Variants in ANAPC2 observed in about 807,000 individuals in gnomAD.
ANAPC2 encodes anaphase promoting complex subunit 2.
ANAPC2 carries 29 observed loss-of-function variants against 84.3 expected under a neutral mutation model. The observed-to-expected ratio is 0.34, with a 90% CI of 0.26 to 0.47. ANAPC2 has a LOEUF of 0.47. Among genes scored for constraint, ANAPC2 ranks in the 20% least tolerant of loss-of-function variants. The probability of loss-of-function intolerance (pLI) is 1.00; values close to 1 mark genes in which losing one functional copy is unlikely to be tolerated. For synonymous variants in ANAPC2, 571 were observed against 479.4 expected, an observed-to-expected ratio of 1.19 and a Z score of -2.50; for missense variants, 857 against 1,131.7, an observed-to-expected ratio of 0.76 and a Z score of 3.48.
At position 137,175,273 on chromosome 9, in the gene ANAPC2, C is replaced by T. The variant is rs1234257731; in HGVS notation, c.2220G>A (p.Met740Ile). The T allele has an allele frequency of 1.2e-6, 2 of 1,612,644 alleles. No homozygotes were observed. Among genetic ancestry groups the T allele is most frequent in the East Asian group, 2.2e-5 (1 of 44,876 alleles). The change falls in exon 12 of 13, where the codon ATG (methionine) becomes ATA (isoleucine). Residue 740 changes from methionine to isoleucine, a missense_variant. By Grantham distance (10) the Met-to-Ile change is conservative. Around this residue, in one of 3 missense-constraint regions of ANAPC2, gnomAD observed 425 missense variants for 595.5 expected, o/e 0.71. Transcript: ENST00000323927. ...IDSDDESDSGMASQADQKEEE... is the reference protein window; with the variant it reads ...IDSDDESDSGIASQADQKEEE... ...CCTCCTTCTGGTCGGCCTGGGAGGCCATGCCGGAGTCGCTCTCGTCGTCAC... is the reference window on the plus strand; with the variant it reads ...CCTCCTTCTGGTCGGCCTGGGAGGCTATGCCGGAGTCGCTCTCGTCGTCAC...
intron 6 of ANAPC2, among the ~76,000 whole-genome samples, chr9:137,182,381 G>A (rs903808077): frequency 7.2e-5 from 11 of 152,016 alleles, no homozygotes; most frequent in Admixed American, 2.0e-4. Context: ...GCTTGGTGGC[G>A]GCCTGTAGTC....
At chr9:137,187,396 G>C in intron 2 of ANAPC2, 85 bp downstream of exon 2, 2 of 1,510,370 alleles carry the variant, frequency 1.3e-6, no homozygotes, top group Non-Finnish European at 1.8e-6. Context: ...CGGCTCACCA[G>C]CTTTCTGCTG....
At chr9:137,182,851 C>G (rs1482151495) in intron 6 of ANAPC2, among the ~76,000 whole-genome samples, 1 of 152,172 alleles carries the variant, frequency 6.6e-6, no homozygotes, top group African/African-American at 2.4e-5. Flanking sequence ...GAGCTTCTCT[C>G]TGTGCTGGAG....
At chr9:137,183,439 T>C in intron 5 of ANAPC2, 197 bp from the exon 6 acceptor site, 1 of 751,482 alleles carries the variant, frequency 1.3e-6, no homozygotes, top group Non-Finnish European at 2.1e-6. Flanking sequence ...CTGAGAGAAC[T>C]AAGTCTCATC....
intron 10 of ANAPC2, among the ~76,000 whole-genome samples, chr9:137,179,587 G>C (rs1834296819): frequency 6.6e-6 from 1 of 152,218 alleles, no homozygotes; most frequent in African/African-American, 2.4e-5. Context: ...CTCCAGGCCA[G>C]GGCTCACTCC....
At chr9:137,182,979 G>A (rs1834375937) in intron 6 of ANAPC2, 146 bp downstream of exon 6, 3 of 638,616 alleles carry the variant, frequency 4.7e-6, no homozygotes, top group East Asian at 5.4e-5. Flanking sequence ...AAAGAGCCTC[G>A]GGCCTGATCC....
Position 137,187,632 on chromosome 9 carries a change from G to A in ANAPC2, c.589C>T (p.Pro197Ser), listed in dbSNP as rs1271237669. Residue 197 changes from proline (P) to serine (S), a missense_variant, in exon 2 of 13, where the codon CCG becomes TCG. Pro to Ser is a moderately conservative substitution (Grantham distance 74, BLOSUM62 -1). Coordinates refer to ENST00000323927, the MANE Select transcript of ANAPC2 (RefSeq NM_013366.4). ...CTGTCCAGCTCCCCTTCCAGTTCCG[G>A]GTCTGTGCCCCCTTCCCCCTTCCTC... Reference protein sequence around the residue: ...SKRKGEGGTDPELEGELDSRY... With the variant: ...SKRKGEGGTDSELEGELDSRY... 5 of 1,613,938 alleles carry A rather than the reference G, an allele frequency of 3.1e-6. No individual in the cohort carries two copies. Among genetic ancestry groups the A allele is most frequent in the Non-Finnish European group, 4.2e-6 (5 of 1,180,042 alleles).
At chr9:137,187,328 G>A (rs1834496304) in intron 2 of ANAPC2, 153 bp downstream of exon 2, 7 of 962,856 alleles carry the variant, frequency 7.3e-6, no homozygotes, top group Admixed American at 2.9e-5. Context: ...CTGTGTCCAG[G>A]ACACGCTGCA....
chr9:137,181,730 G>A lies in ANAPC2; in HGVS notation c.1419C>T (p.Asp473=). ...SLETGQDSED[D]SGEPEDWVPD... is the part of the protein sequence containing the mutation. ...GGACCCAGTCCTCTGGCTCGCCTGA[G>A]TCATCCTCACTGTCCTGGCCTGTCT... Residue 473 remains aspartate (D), a synonymous_variant, in exon 7 of 13, where the codon GAC becomes GAT. Coordinates refer to ENST00000323927, the MANE Select transcript of ANAPC2 (RefSeq NM_013366.4). The A allele has an allele frequency of 6.2e-7, 1 of 1,612,312 alleles. No individual in the cohort carries two copies. The highest frequency in any genetic ancestry group is 8.5e-7 in the Non-Finnish European group (1 of 1,179,800).
intron 4 of ANAPC2, 120 bp from the exon 5 acceptor site, chr9:137,183,911 G>A: frequency 1.5e-6 from 2 of 1,357,660 alleles, no homozygotes; most frequent in East Asian, 4.8e-5. Context: ...ACGATGATGA[G>A]ACCACCTGCT....
chr9:137,184,794 A>T (rs548493041), intron 4 of ANAPC2, 119 bp downstream of exon 4: 7 of 1,317,398 alleles, frequency 5.3e-6, no homozygotes, highest in Non-Finnish European at 7.3e-6. Flanking sequence ...AGACGCAGAC[A>T]CAGAGCAGAC....
rs1230841319 is a variant in ANAPC2 at position 137,188,512 on chromosome 9, C to T, written c.21G>A (p.Val7=). MAAAVV[V]AEGDSDSRPG... ...GCCGGGAGTCGCTGTCCCCCTCCGC[C>T]ACCACAACTGCCGCCGCCATCTGCA... The change falls in exon 1 of 13, where the codon GTG becomes GTA. Residue 7 remains valine (V), a synonymous_variant. Transcript: ENST00000323927. The T allele has an allele frequency of 2.5e-6, 4 of 1,609,166 alleles. No individual in the cohort carries two copies. Among genetic ancestry groups the T allele is most frequent in the East Asian group, 2.2e-5 (1 of 44,802 alleles).
intron 10 of ANAPC2, among the ~76,000 whole-genome samples, chr9:137,178,779 G>A (rs1010649932): frequency 1.3e-5 from 2 of 152,080 alleles, no homozygotes; most frequent in African/African-American, 2.4e-5. Flanking sequence ...AGGCCTGGAG[G>A]GAGGCAGCAG....
chr9:137,176,120 T>C (rs1834205269), intron 10 of ANAPC2: 1 of 356,760 alleles, frequency 2.8e-6, no homozygotes, highest in African/African-American at 2.1e-5. Context: ...CAAACAGGGT[T>C]GATGCAGATG....
chr9:137,181,029 G>A, intron 7 of ANAPC2, 100 bp from the exon 8 acceptor site: 3 of 1,482,596 alleles, frequency 2.0e-6, no homozygotes, highest in Non-Finnish European at 2.7e-6. Context: ...AGCCCAGCAT[G>A]GCTCTTCCTG....
chr9:137,181,811 C>A lies in ANAPC2; in HGVS notation c.1338G>T (p.Ser446=). 7 of 1,608,990 alleles carry A rather than the reference C, an allele frequency of 4.4e-6. No homozygotes were observed. Among genetic ancestry groups the A allele is most frequent in the Non-Finnish European group, 5.9e-6 (7 of 1,179,930 alleles). The change falls in exon 7 of 13, where the codon TCG becomes TCT. Residue 446 remains serine, a synonymous_variant. Transcript: ENST00000323927. ...RQIVAGLTGD[S]DGTGDLAVEL... ...CAACAGCCAGGTCCCCTGTCCCGTC[C>A]GAGTCCCCCGTCAGCCCAGCCACAA...
intron 6 of ANAPC2, 141 bp from the exon 7 acceptor site, chr9:137,182,003 C>T (rs942108056): frequency 8.0e-6 from 7 of 869,870 alleles, no homozygotes; most frequent in Non-Finnish European, 1.2e-5. Context: ...ATGTACTAAA[C>T]ACAGGCCCGT....
chr9:137,175,167 G>T lies in ANAPC2; in HGVS notation c.2257-13C>A. On this transcript the variant is annotated splice_polypyrimidine_tract_variant and intron_variant, in intron 12 of 12. Coordinates refer to ENST00000323927, the MANE Select transcript of ANAPC2 (RefSeq NM_013366.4). ...ACGTCCAGAAGAGCTGCGGACACAG[G>T]CCAGCCCCCGTCAGGCACCTGCAGG... is the stretch of plus-strand genomic sequence containing the variant. The T allele has an allele frequency of 6.2e-7, 1 of 1,603,492 alleles. No individual in the cohort carries two copies. Among genetic ancestry groups the T allele is most frequent in the Non-Finnish European group, 8.5e-7 (1 of 1,175,700 alleles).
chr9:137,174,802 A>T lies in ANAPC2; in HGVS notation c.*140T>A. 2 of 1,425,730 alleles carry T rather than the reference A, an allele frequency of 1.4e-6. No homozygotes were observed. The highest frequency in any genetic ancestry group is 5.0e-5 in the East Asian group (2 of 39,736). The allele number at this position is 1,425,730 out of a possible 1,614,324, so 88.3% of individuals were successfully genotyped here. A position where few individuals can be genotyped will look rare whatever the true frequency, so the allele number is the denominator to read the frequency against. On this transcript the variant is annotated 3_prime_UTR_variant, in exon 13 of 13. Coordinates refer to ENST00000323927, the MANE Select transcript of ANAPC2 (RefSeq NM_013366.4). This position sits in a 1 kb window ranked among gnomAD's most constrained non-coding sequence, Gnocchi z 6.1. ...AGAAAAGGATGATCTGACTTGCTTT[A>T]ATCTGCACACTGCGGGGGTGGGGGT...
Sources: allele counts gnomAD v4.1 joint callset (sites outside exome capture counted in the v4.1 genomes callset), GRCh38; gene constraint gnomAD v4.1.1; regional missense constraint gnomAD v4.1.1; non-coding constraint Gnocchi (gnomAD v3.1); transcripts MANE v1.5; gene names NCBI Gene and HGNC (gene_info 2026-07-23, HGNC 2026-07-21).